LRMDA: variants seen among roughly 807,000 people sequenced by gnomAD.
LRMDA encodes the protein leucine rich melanocyte differentiation associated, also known as leucine-rich melanocyte differentiation-associated protein.
LRMDA carries 18 observed loss-of-function variants against 29.8 expected under a neutral mutation model. The observed-to-expected ratio is 0.60, with a 90% CI of 0.42 to 0.90. LRMDA has a LOEUF of 0.90. LRMDA is among the 40% of genes least tolerant of loss of function. LRMDA has a pLI of 0.00. For synonymous variants in LRMDA, 125 were observed against 109.4 expected (o/e 1.14, Z -0.89); for missense variants, 273 against 273.9 (o/e 1.00, Z 0.02).
At chr10:76,491,352 T>A (rs1476419197) in intron 6 of LRMDA, among the ~76,000 whole-genome samples, 1 of 152,040 alleles carries the variant, frequency 6.6e-6, no homozygotes, top group Non-Finnish European at 1.5e-5. Context: ...GCATTTCTTG[T>A]AGGGCAGTCT....
chr10:75,486,348 A>G (rs961412970), intron 2 of LRMDA, among the ~76,000 whole-genome samples: 2 of 152,184 alleles, frequency 1.3e-5, no homozygotes, highest in Admixed American at 1.3e-4. Flanking sequence ...TTGATATTAC[A>G]CTTCTTGTAG....
chr10:76,270,829 G>A, intron 5 of LRMDA: 1 of 152,136 alleles, frequency 6.6e-6, no homozygotes, highest in Non-Finnish European at 1.5e-5. Flanking sequence ...TGCACATCCT[G>A]TCCACAAAGC....
At chr10:76,286,140 G>A (rs190778924) in intron 5 of LRMDA, among the ~76,000 whole-genome samples, 1 of 152,274 alleles carries the variant, frequency 6.6e-6, no homozygotes, top group Admixed American at 6.5e-5. Flanking sequence ...TCTGATGCCA[G>A]TTCTTCCATT....
intron 2 of LRMDA, among the ~76,000 whole-genome samples, chr10:76,003,355 C>T (rs914120880): frequency 3.9e-5 from 6 of 152,116 alleles, no homozygotes; most frequent in African/African-American, 9.7e-5. Flanking sequence ...GTGGAAGGAA[C>T]GTCCCCTGGC....
At chr10:75,623,354 G>C (rs1337662831) in intron 2 of LRMDA, among the ~76,000 whole-genome samples, 1 of 152,120 alleles carries the variant, frequency 6.6e-6, no homozygotes, top group East Asian at 1.9e-4. Context: ...AGAATGGATG[G>C]GCTACTGTCA....
chr10:76,364,713 T>C (rs1331224235), intron 6 of LRMDA, among the ~76,000 whole-genome samples: 1 of 152,004 alleles, frequency 6.6e-6, no homozygotes, highest in East Asian at 1.9e-4. Context: ...GTTTAACTTT[T>C]TTCCCCATAA....
At chr10:75,924,995 G>A (rs1006747733) in intron 2 of LRMDA, among the ~76,000 whole-genome samples, 4 of 152,130 alleles carry the variant, frequency 2.6e-5, no homozygotes, top group Non-Finnish European at 4.4e-5. Context: ...AGTGCACCTC[G>A]GGTTGCCTTG....
At chr10:76,468,716 G>A (rs547126317) in intron 6 of LRMDA, among the ~76,000 whole-genome samples, 2 of 152,222 alleles carry the variant, frequency 1.3e-5, no homozygotes, top group African/African-American at 4.8e-5. Context: ...AAAACTGTAG[G>A]GATTTAAAAG....
intron 5 of LRMDA, among the ~76,000 whole-genome samples, chr10:76,220,106 A>G (rs1263335007): frequency 2.0e-5 from 3 of 152,220 alleles, no homozygotes; most frequent in African/African-American, 7.2e-5. Context: ...TCTCTGGGAA[A>G]CATTCAAAGC....
intron 2 of LRMDA, among the ~76,000 whole-genome samples, chr10:75,919,471 G>A (rs558676235): frequency 1.1e-4 from 17 of 152,264 alleles, no homozygotes; most frequent in Non-Finnish European, 2.1e-4. Context: ...ACCGCCACTC[G>A]TTGAGCTGTG....
intron 2 of LRMDA, among the ~76,000 whole-genome samples, chr10:75,625,985 G>A (rs940315167): frequency 6.6e-6 from 1 of 151,484 alleles, no homozygotes; most frequent in Non-Finnish European, 1.5e-5. Context: ...TTGAGTAGCT[G>A]GAACTACAGT....
intron 2 of LRMDA, among the ~76,000 whole-genome samples, chr10:75,568,093 C>G (rs1840395259): frequency 6.6e-6 from 1 of 152,190 alleles, no homozygotes; most frequent in Admixed American, 6.5e-5. Flanking sequence ...TTAGGGGAAG[C>G]ATGACCAGAG....
chr10:76,490,428 G>C (rs1842822387), intron 6 of LRMDA, among the ~76,000 whole-genome samples: 1 of 150,658 alleles, frequency 6.6e-6, no homozygotes, highest in African/African-American at 2.4e-5. Flanking sequence ...TCTCTCTTTA[G>C]CTCTAATATT....
chr10:76,206,680 A>C (rs1303320681), intron 5 of LRMDA, among the ~76,000 whole-genome samples: 1 of 152,170 alleles, frequency 6.6e-6, no homozygotes. Flanking sequence ...TGGATCCATG[A>C]GGCTCCCAAG....
chr10:76,523,198 G>T (rs1564566210), intron 6 of LRMDA, among the ~76,000 whole-genome samples: 1 of 151,756 alleles, frequency 6.6e-6, no homozygotes, highest in Non-Finnish European at 1.5e-5. Flanking sequence ...TCCTTATGAA[G>T]AAAAATTTCC....
chr10:75,916,815 G>A (rs1418620733), intron 2 of LRMDA, among the ~76,000 whole-genome samples: 1 of 152,140 alleles, frequency 6.6e-6, no homozygotes, highest in Non-Finnish European at 1.5e-5. Flanking sequence ...ACATTATTGG[G>A]TAATAGTTTT....
At chr10:76,148,973 T>C (rs1850386736) in intron 5 of LRMDA, among the ~76,000 whole-genome samples, 1 of 151,072 alleles carries the variant, frequency 6.6e-6, no homozygotes, top group Non-Finnish European at 1.5e-5. Context: ...AAAATACCAA[T>C]CTGTTTTCCA....
intron 3 of LRMDA, among the ~76,000 whole-genome samples, chr10:76,045,440 GGTTA>G (rs1848421877): frequency 6.8e-6 from 1 of 147,768 alleles, no homozygotes. Flanking sequence ...TTCCCCCTCT[GGTTA>G]GTTTCCTCCT....
chr10:76,019,183 T>A (rs1005974618), intron 2 of LRMDA, among the ~76,000 whole-genome samples: 1 of 152,212 alleles, frequency 6.6e-6, no homozygotes, highest in Admixed American at 6.5e-5. Context: ...CAAATGCTAA[T>A]ATGGCTGTCA....
Sources: gnomAD v4.1 joint callset for allele counts (sites outside exome capture counted in the v4.1 genomes callset) on GRCh38, gnomAD v4.1.1 for gene constraint, MANE v1.5 for transcripts, NCBI Gene and HGNC (gene_info 2026-07-23, HGNC 2026-07-21) for gene names.